The following CCDC88C variants were observed in gnomAD, a reference collection of about 807,000 sequenced individuals.
CCDC88C encodes the protein protein Daple.
CCDC88C carries 131 observed loss-of-function variants against 198.8 expected under a neutral mutation model. That is an observed-to-expected ratio of 0.66 (90% CI 0.57 to 0.76). CCDC88C has a LOEUF of 0.76. CCDC88C is among the 30% of genes least tolerant of loss of function. CCDC88C has a pLI of 0.00. For missense variants in CCDC88C, 2,553 were observed against 2,631.6 expected, an observed-to-expected ratio of 0.97 and a Z score of 0.65; for synonymous variants, 1,166 against 1,114.7, an observed-to-expected ratio of 1.05 and a Z score of -0.92.
In CCDC88C at chr14:91,313,951, T is replaced by G; in HGVS notation, c.1865A>C (p.Gln622Pro). The change falls in exon 15 of 30, where the codon CAG (glutamine) becomes CCG (proline). Residue 622 changes from glutamine to proline, a missense_variant. By Grantham distance (76) the Gln-to-Pro change is moderately conservative. Transcript: ENST00000389857. This position sits in a 1 kb window ranked among gnomAD's most constrained non-coding sequence, Gnocchi z 5.2. ...EKRQLHRDLE[Q>P]AKEKGERAEK... ...TGCCCGCTCCCCCTTCTCCTTGGCC[T>G]GCTCCAAGTCCCTGTGCAGCTGCCG... 1 of 1,613,634 alleles carries G rather than the reference T, an allele frequency of 6.2e-7. No individual in the cohort carries two copies. The highest frequency in any genetic ancestry group is 8.5e-7 in the Non-Finnish European group (1 of 1,179,854).
At chr14:91,391,774 G>T (rs149923338) in intron 3 of CCDC88C, among the ~76,000 whole-genome samples, 1 of 151,946 alleles carries the variant, frequency 6.6e-6, no homozygotes, top group Non-Finnish European at 1.5e-5. Flanking sequence ...GCAAGACTCC[G>T]TCTCAAAAAG....
Position 91,289,327 on chromosome 14 carries a change from C to T in CCDC88C, c.4219G>A (p.Gly1407Arg). 1 of 1,613,988 alleles carries T rather than the reference C, an allele frequency of 6.2e-7. No individual in the cohort carries two copies. Among genetic ancestry groups the T allele is most frequent in the Non-Finnish European group, 8.5e-7 (1 of 1,179,864 alleles). Residue 1407 changes from glycine (G) to arginine (R), a missense_variant, in exon 25 of 30, where the codon GGA (glycine) becomes AGA (arginine). Physicochemically the swap from Gly to Arg is moderately radical, Grantham distance 125. Around this residue, in one of 2 missense-constraint regions of CCDC88C, gnomAD observed 1,293 missense variants for 1,219.6 expected, o/e 1.06. Coordinates refer to ENST00000389857, the MANE Select transcript of CCDC88C (RefSeq NM_001080414.4). ...PPPKKKNHWI[G>R]AKALVKLIKP... is the part of the protein sequence containing the mutation. ...ATGAGTTTGACTAAGGCTTTGGCTC[C>T]AATCCAGTGGTTCTTCCTGGTTAGA...
chr14:91,335,013 C>T (rs900409129), intron 10 of CCDC88C, among the ~76,000 whole-genome samples: 2 of 152,198 alleles, frequency 1.3e-5, no homozygotes, highest in Non-Finnish European at 2.9e-5. Flanking sequence ...TCCAATGCAG[C>T]AGAGCAGCCA....
intron 18 of CCDC88C, among the ~76,000 whole-genome samples, chr14:91,306,490 G>T (rs75325383): frequency 0.017 from 2,527 of 152,284 alleles, 35 homozygotes; most frequent in Middle Eastern, 0.024. Context: ...AATTCTGTTT[G>T]AGCTTTATCA....
intron 4 of CCDC88C, among the ~76,000 whole-genome samples, chr14:91,355,124 A>AG (rs1206700822): frequency 6.6e-5 from 10 of 152,156 alleles, no homozygotes; most frequent in Admixed American, 6.5e-4. Context: ...AGCAGACTGC[A>AG]GGGGGCAGAG....
chr14:91,372,915 G>A (rs1396003296), intron 3 of CCDC88C, among the ~76,000 whole-genome samples: 2 of 152,186 alleles, frequency 1.3e-5, no homozygotes, highest in South Asian at 4.1e-4. Flanking sequence ...CTGAACCTGA[G>A]GCCTTTCCTA....
chr14:91,325,072 C>T lies in CCDC88C; in HGVS notation c.1198-149G>A. 1 of 1,050,512 alleles carries T rather than the reference C, an allele frequency of 9.5e-7. No individual in the cohort carries two copies. Among genetic ancestry groups the T allele is most frequent in the Non-Finnish European group, 1.4e-6 (1 of 725,706 alleles). 65.1% of individuals were successfully genotyped at this position (1,050,512 alleles called of 1,614,324 possible). On this transcript the variant is annotated intron_variant, in intron 11 of 29. Coordinates refer to ENST00000389857, the MANE Select transcript of CCDC88C (RefSeq NM_001080414.4). This position sits in a 1 kb window ranked among gnomAD's most constrained non-coding sequence, Gnocchi z 4.1. ...ATAAACAGAGCTGCACAGAAACATC[C>T]CAACACAGGGCCCTGCTATGAGAGG...
At chr14:91,300,967 C>T (rs1891252418) in intron 20 of CCDC88C, among the ~76,000 whole-genome samples, 1 of 152,200 alleles carries the variant, frequency 6.6e-6, no homozygotes, top group African/African-American at 2.4e-5. Context: ...CACCCAAAGA[C>T]AATCTGACAG....
In CCDC88C at chr14:91,339,437, C is replaced by T. The variant is rs201236555; in HGVS notation, c.650G>A (p.Arg217Gln). ...TGGATGCTGTGCCTGCAGGTAGTCC[C>T]GTTCCTGAGTGAGGTCCACGATCAG... ...TELIVDLTQE[R>Q]DYLQAQHPPS... The change falls in exon 8 of 30, where the codon CGG becomes CAG. Residue 217 changes from arginine to glutamine, a missense_variant. Physicochemically the swap from Arg to Gln is conservative, Grantham distance 43. Transcript: ENST00000389857. This position sits in a 1 kb window ranked among gnomAD's most constrained non-coding sequence, Gnocchi z 5.8. The T allele has an allele frequency of 3.7e-6, 6 of 1,607,166 alleles. No individual in the cohort carries two copies. The highest frequency in any genetic ancestry group is 4.3e-6 in the Non-Finnish European group (5 of 1,174,456).
intron 3 of CCDC88C, among the ~76,000 whole-genome samples, chr14:91,392,006 T>C (rs1885535196): frequency 6.6e-6 from 1 of 152,112 alleles, no homozygotes; most frequent in South Asian, 2.1e-4. Context: ...CAACTAAATC[T>C]GAACATACAC....
intron 6 of CCDC88C, 55 bp from the exon 7 acceptor site, chr14:91,340,079 C>T (rs971857997): frequency 1.9e-6 from 3 of 1,586,370 alleles, no homozygotes; most frequent in Non-Finnish European, 2.6e-6. Flanking sequence ...GCGCCCACTT[C>T]CCTCACACTG....
chr14:91,313,520 C>T lies in CCDC88C; in HGVS notation c.2296G>A (p.Ala766Thr), dbSNP rs575697663. 6.7e-5 allele frequency: 108 copies of T among 1,609,162 alleles called. 2 individuals carry two copies. In the South Asian group the frequency reaches 1.0e-3, roughly 16 times the overall value. ...RLELSYQSVSAENLRLQQSLE... is the reference protein window; with the variant it reads ...RLELSYQSVSTENLRLQQSLE... Reference sequence around the variant, plus strand: ...CTCTGCTGCAGCCGGAGGTTCTCAGCGCTCACGCTCTGGTAGCTGAGCTCC... The same window carrying T: ...CTCTGCTGCAGCCGGAGGTTCTCAGTGCTCACGCTCTGGTAGCTGAGCTCC... The change falls in exon 15 of 30, where the codon GCT becomes ACT. Residue 766 changes from alanine to threonine, a missense_variant. Coordinates refer to ENST00000389857, the MANE Select transcript of CCDC88C (RefSeq NM_001080414.4). The surrounding 1 kb of genome is among the most constrained non-coding windows in gnomAD (Gnocchi z 5.2).
rs1893146625 is a variant in CCDC88C, at chr14:91,338,343, G to C, written c.891+146C>G. 1.1e-6 allele frequency: 1 copy of C among 943,604 alleles called. No individual in the cohort carries two copies. The highest frequency in any genetic ancestry group is 1.6e-6 in the Non-Finnish European group (1 of 619,464). 58.5% of individuals were successfully genotyped at this position (943,604 alleles called of 1,614,324 possible). A position where few individuals can be genotyped will look rare whatever the true frequency, so the allele number is the denominator to read the frequency against. ...CTCCACCTGCTGTCACTAAGAAACAGGGTCATCCCCATAGCCGTGCTCAGG... is the reference window on the plus strand; with the variant it reads ...CTCCACCTGCTGTCACTAAGAAACACGGTCATCCCCATAGCCGTGCTCAGG... On this transcript the variant is annotated intron_variant, in intron 9 of 29. Coordinates refer to ENST00000389857, the MANE Select transcript of CCDC88C (RefSeq NM_001080414.4). The surrounding 1 kb of genome is among the most constrained non-coding windows in gnomAD (Gnocchi z 4.8).
chr14:91,358,425 G>T (rs1258747840), intron 4 of CCDC88C, among the ~76,000 whole-genome samples: 3 of 152,140 alleles, frequency 2.0e-5, no homozygotes, highest in African/African-American at 7.2e-5. Flanking sequence ...GGAGGCCCCA[G>T]ACCTAAGGTT....
intron 3 of CCDC88C, among the ~76,000 whole-genome samples, chr14:91,391,640 G>C (rs1031679955): frequency 6.6e-6 from 1 of 152,040 alleles, no homozygotes; most frequent in South Asian, 2.1e-4. Context: ...TTATCCAGGC[G>C]TGGTGGCGTG....
At chr14:91,369,057 T>A (rs1441534626) in intron 3 of CCDC88C, among the ~76,000 whole-genome samples, 5 of 152,352 alleles carry the variant, frequency 3.3e-5, no homozygotes, top group Admixed American at 2.0e-4. Context: ...ACAATGTCGC[T>A]GATCGTTTGC....
chr14:91,334,726 C>G (rs1291649350), intron 10 of CCDC88C, among the ~76,000 whole-genome samples: 1 of 152,216 alleles, frequency 6.6e-6, no homozygotes, highest in African/African-American at 2.4e-5. Flanking sequence ...TCGAAGTCAC[C>G]TGTGCATCAA....
intron 13 of CCDC88C, among the ~76,000 whole-genome samples, chr14:91,317,926 C>T (rs1892177150): frequency 6.6e-6 from 1 of 152,252 alleles, no homozygotes; most frequent in Non-Finnish European, 1.5e-5. Flanking sequence ...CTGGGCACCA[C>T]CCTGGTGACC....
intron 14 of CCDC88C, 32 bp from the exon 15 acceptor site, chr14:91,314,182 C>G: frequency 1.3e-6 from 2 of 1,547,598 alleles, no homozygotes; most frequent in Non-Finnish European, 1.8e-6. Flanking sequence ...ACAACCCAGG[C>G]TGCTGCAGGA....
Sources: gnomAD v4.1 joint callset for allele counts (sites outside exome capture counted in the v4.1 genomes callset) on GRCh38, gnomAD v4.1.1 for gene constraint, gnomAD v4.1.1 regional missense constraint, Gnocchi (gnomAD v3.1) non-coding constraint, MANE v1.5 for transcripts, NCBI Gene and HGNC (gene_info 2026-07-23, HGNC 2026-07-21) for gene names.